DYRK1A: variants seen among roughly 807,000 people sequenced by gnomAD.
DYRK1A encodes dual specificity tyrosine-phosphorylation-regulated kinase 1A.
Under a neutral mutation model 79.7 loss-of-function variants are expected in DYRK1A, and 9 were observed. The observed-to-expected ratio is 0.11, with a 90% CI of 0.07 to 0.20. DYRK1A has a LOEUF of 0.20. DYRK1A is among the 10% of genes least tolerant of loss of function. The probability of loss-of-function intolerance (pLI) is 1.00; values close to 1 mark genes in which losing one functional copy is unlikely to be tolerated. For missense variants in DYRK1A, 622 were observed against 956.0 expected, an observed-to-expected ratio of 0.65 and a Z score of 4.61; for synonymous variants, 349 against 329.7, an observed-to-expected ratio of 1.06 and a Z score of -0.63.
At chr21:37,453,796 G>C (rs2051539061) in intron 2 of DYRK1A, among the ~76,000 whole-genome samples, 1 of 152,120 alleles carries the variant, frequency 6.6e-6, no homozygotes, top group Non-Finnish European at 1.5e-5. Context: ...CTTAACAAAA[G>C]AAAGGAAAAT....
intron 2 of DYRK1A, among the ~76,000 whole-genome samples, chr21:37,461,727 G>A (rs2051843985): frequency 6.6e-6 from 1 of 152,094 alleles, no homozygotes; most frequent in African/African-American, 2.4e-5. Context: ...ATGGTTTCTG[G>A]TGAGAAAGTG....
chr21:37,397,924 A>C (rs1284088790), intron 1 of DYRK1A, among the ~76,000 whole-genome samples: 1 of 151,934 alleles, frequency 6.6e-6, no homozygotes, highest in Non-Finnish European at 1.5e-5. Flanking sequence ...TTGTATTTCA[A>C]ATTATTTCAT....
intron 1 of DYRK1A, chr21:37,375,076 C>G (rs1283857753): frequency 1.3e-5 from 2 of 152,140 alleles, no homozygotes; most frequent in Admixed American, 6.5e-5. Flanking sequence ...ACAAGGTGTA[C>G]AGAGTGCAGT....
rs547428900 is a variant in DYRK1A, at chr21:37,520,179, T to A, written c.*7648T>A. 2.0e-5 allele frequency: 3 copies of A among 152,340 alleles called. No homozygotes were observed. In the South Asian group the frequency reaches 6.2e-4, roughly 32 times the overall value. The allele number at this position is 152,340 out of a possible 1,614,324, so 9.4% of individuals were successfully genotyped here. On this transcript the variant is annotated 3_prime_UTR_variant, in exon 12 of 12. Transcript: ENST00000647188. ...GTAAGGGTCTGTTTTTGAACAGGCA[T>A]GGTCATTAGACCCTTGTGATCACGC...
chr21:37,377,354 C>T (rs948639202), intron 1 of DYRK1A, among the ~76,000 whole-genome samples: 2 of 152,132 alleles, frequency 1.3e-5, no homozygotes, highest in Admixed American at 6.5e-5. Context: ...CTCCTGACCT[C>T]GTGATCCGCT....
At chr21:37,469,832 TAGGC>T (rs2052160779) in intron 2 of DYRK1A, among the ~76,000 whole-genome samples, 1 of 152,154 alleles carries the variant, frequency 6.6e-6, no homozygotes, top group African/African-American at 2.4e-5. Flanking sequence ...ACATGAGAAT[TAGGC>T]AGGGACACAG....
At chr21:37,367,957 CCT>C in intron 1 of DYRK1A, 1 of 161,814 alleles carries the variant, frequency 6.2e-6, no homozygotes, top group Non-Finnish European at 1.3e-5. Flanking sequence ...TCCTCCTCCT[CCT>C]CCTCTTCCTC....
At chr21:37,411,378 A>G (rs1353661421) in intron 1 of DYRK1A, among the ~76,000 whole-genome samples, 1 of 134,304 alleles carries the variant, frequency 7.4e-6, no homozygotes, top group Non-Finnish European at 1.6e-5. Context: ...CTCCCCCCCA[A>G]AAAATGACAG....
At chr21:37,403,642 AAAAAAAATAT>A (rs1429238577) in intron 1 of DYRK1A, among the ~76,000 whole-genome samples, 3 of 101,044 alleles carry the variant, frequency 3.0e-5, no homozygotes, top group African/African-American at 1.2e-4. Context: ...ATTAAAAAAA[AAAAAAAATAT>A]ATATATATAT....
At chr21:37,366,347 GGCTGCGGGGGCGGC>G (rs1349814853), upstream of DYRK1A, among the ~76,000 whole-genome samples, 1 of 145,514 alleles carries the variant, frequency 6.9e-6, no homozygotes, top group Non-Finnish European at 1.5e-5. Context: ...GGGGCGCTAG[GGCTGCGGGGGCGGC>G]GGCGCGGGAG....
intron 1 of DYRK1A, among the ~76,000 whole-genome samples, chr21:37,405,357 A>G (rs1259658248): frequency 2.0e-5 from 3 of 151,974 alleles, no homozygotes; most frequent in Non-Finnish European, 2.9e-5. Context: ...TCCTTTTCCT[A>G]ATTCTTGGCT....
intron 2 of DYRK1A, among the ~76,000 whole-genome samples, chr21:37,434,115 A>G (rs572425041): frequency 1.3e-5 from 2 of 152,270 alleles, no homozygotes; most frequent in Admixed American, 1.3e-4. Flanking sequence ...TGGCTTCAGG[A>G]GAAGAGAAAT....
At chr21:37,482,084 A>C (rs939111427) in intron 5 of DYRK1A, among the ~76,000 whole-genome samples, 19 of 152,096 alleles carry the variant, frequency 1.2e-4, no homozygotes, top group Non-Finnish European at 2.6e-4. Flanking sequence ...ACTTTTCCTA[A>C]ATTGCCTTTT....
At chr21:37,500,929 C>CTTTTT (rs898795722) in intron 9 of DYRK1A, among the ~76,000 whole-genome samples, 1 of 144,058 alleles carries the variant, frequency 6.9e-6, no homozygotes, top group Non-Finnish European at 1.5e-5. Flanking sequence ...TTGTTGATTT[C>CTTTTT]TTTTTTTTTT....
chr21:37,388,173 C>T (rs1322945527), intron 1 of DYRK1A, among the ~76,000 whole-genome samples: 1 of 149,294 alleles, frequency 6.7e-6, no homozygotes, highest in Non-Finnish European at 1.5e-5. Context: ...CAGTTTCGAC[C>T]TCCCTGGGCT....
At chr21:37,463,851 G>A (rs1449996930) in intron 2 of DYRK1A, among the ~76,000 whole-genome samples, 1 of 152,176 alleles carries the variant, frequency 6.6e-6, no homozygotes, top group Non-Finnish European at 1.5e-5. Flanking sequence ...TCATTTCTTA[G>A]TGGATTCTGT....
intron 2 of DYRK1A, among the ~76,000 whole-genome samples, chr21:37,434,828 T>C (rs1313805882): frequency 6.6e-6 from 1 of 152,208 alleles, no homozygotes; most frequent in Non-Finnish European, 1.5e-5. Context: ...CTTTAGTCTT[T>C]CCATTATAGA....
intron 1 of DYRK1A, among the ~76,000 whole-genome samples, chr21:37,386,838 T>C (rs1298009060): frequency 6.6e-6 from 1 of 152,160 alleles, no homozygotes; most frequent in African/African-American, 2.4e-5. Flanking sequence ...AGGAGTTGGA[T>C]TCAGATGCAA....
intron 1 of DYRK1A, among the ~76,000 whole-genome samples, chr21:37,376,606 A>G (rs1434721255): frequency 2.0e-5 from 3 of 152,114 alleles, no homozygotes; most frequent in Non-Finnish European, 2.9e-5. Flanking sequence ...GCTTGCTTCG[A>G]TGGCTTCCTA....
Sources: gnomAD v4.1 joint callset for allele counts (sites outside exome capture counted in the v4.1 genomes callset) on GRCh38, gnomAD v4.1.1 for gene constraint, MANE v1.5 for transcripts, NCBI Gene and HGNC (gene_info 2026-07-23, HGNC 2026-07-21) for gene names.